The following BBS9 variants were observed in gnomAD, a reference collection of about 807,000 sequenced individuals.
BBS9 encodes Bardet-Biedl syndrome 9, also known as protein PTHB1.
BBS9 carries 89 observed loss-of-function variants against 117.7 expected under a neutral mutation model. The ratio of observed to expected loss-of-function variants is 0.76; its 90% confidence interval spans 0.64 to 0.90. The LOEUF is 0.90. Ranked by LOEUF, BBS9 falls within the 40% of genes least tolerant of loss-of-function variation. The pLI, the probability that BBS9 is intolerant of heterozygous loss-of-function variation, is 0.00. For missense variants in BBS9, 982 were observed against 1,042.2 expected (o/e 0.94, Z 0.80); for synonymous variants, 379 against 370.9 (o/e 1.02, Z -0.25).
chr7:33,338,528 G>A (rs938037318), intron 10 of BBS9, among the ~76,000 whole-genome samples: 1 of 152,116 alleles, frequency 6.6e-6, no homozygotes, highest in African/African-American at 2.4e-5. Context: ...TTTTAAAAGT[G>A]TTTTCAAAGG....
intron 1 of BBS9, among the ~76,000 whole-genome samples, chr7:33,131,885 T>G (rs1002995935): frequency 2.6e-5 from 4 of 151,994 alleles, no homozygotes; most frequent in Non-Finnish European, 5.9e-5. Flanking sequence ...GAAACCTAAA[T>G]CTGAGTAAAC....
At chr7:33,188,270 A>G (rs905477719) in intron 5 of BBS9, among the ~76,000 whole-genome samples, 1 of 152,048 alleles carries the variant, frequency 6.6e-6, no homozygotes, top group African/African-American at 2.4e-5. Context: ...GGTCTTCAGT[A>G]TGGTCTTTAG....
At chr7:33,286,686 G>A (rs1188919127) in intron 9 of BBS9, among the ~76,000 whole-genome samples, 1 of 151,824 alleles carries the variant, frequency 6.6e-6, no homozygotes, top group Non-Finnish European at 1.5e-5. Flanking sequence ...TTATTTGTGT[G>A]TGGGGGGCAG....
rs562951302 is a variant in BBS9 at position 33,364,492 on chromosome 7, C to A, written c.1694-3275C>A. On this transcript the variant is annotated intron_variant, in intron 16 of 22. Coordinates refer to ENST00000242067, the MANE Select transcript of BBS9 (RefSeq NM_198428.3). ...TGATTCTGTTCCCTAAATCTTGCAG[C>A]CTTTCTTCTTTCCTTTCATTTTTTT... is the stretch of plus-strand genomic sequence containing the variant. Among the ~76,000 whole-genome samples the A allele has an allele frequency of 3.4e-3, 516 of 151,862 alleles. 5 individuals carry two copies. Among genetic ancestry groups the A allele is most frequent in the African/African-American group, 0.011 (470 of 41,438 alleles).
At chr7:33,294,341 C>G in intron 9 of BBS9, among the ~76,000 whole-genome samples, 1 of 130,994 alleles carries the variant, frequency 7.6e-6, no homozygotes, top group Admixed American at 7.8e-5. Context: ...ATCTATCTAT[C>G]TATCTATCTA....
intron 21 of BBS9, among the ~76,000 whole-genome samples, chr7:33,570,949 T>C (rs1005097712): frequency 6.6e-6 from 1 of 152,116 alleles, no homozygotes; most frequent in Non-Finnish European, 1.5e-5. Flanking sequence ...ACAACAGATG[T>C]GATGTGGAAT....
chr7:33,602,977 A>C (rs573506944), intron 21 of BBS9, among the ~76,000 whole-genome samples: 1 of 152,188 alleles, frequency 6.6e-6, no homozygotes, highest in African/African-American at 2.4e-5. Flanking sequence ...AGCCCACGTG[A>C]TAGAGAACTA....
At chr7:33,401,192 T>C (rs1828859478) in intron 19 of BBS9, among the ~76,000 whole-genome samples, 1 of 152,234 alleles carries the variant, frequency 6.6e-6, no homozygotes. Flanking sequence ...CTTTTTCAGT[T>C]GATTCCCAGT....
intron 5 of BBS9, among the ~76,000 whole-genome samples, chr7:33,198,171 T>C (rs1446951681): frequency 6.6e-6 from 1 of 152,048 alleles, no homozygotes; most frequent in African/African-American, 2.4e-5. Flanking sequence ...AGATCTTTGC[T>C]AAAATAAGAC....
rs1484656827 is a variant in BBS9, at chr7:33,335,629, A to C, written c.1017-812A>C. On this transcript the variant is annotated intron_variant, in intron 9 of 22. Transcript: ENST00000242067. ...AAAATTGTGTGCTAAAATTATCCTT[A>C]ATTTATATATTATGGCTAGTTTCTA... Among the ~76,000 whole-genome samples, 7 of 152,154 alleles carry C rather than the reference A, an allele frequency of 4.6e-5. No homozygotes were observed. In the East Asian group the frequency reaches 1.3e-3, roughly 29 times the overall value.
intron 21 of BBS9, among the ~76,000 whole-genome samples, chr7:33,555,888 G>T (rs1855210816): frequency 6.6e-6 from 1 of 152,142 alleles, no homozygotes; most frequent in African/African-American, 2.4e-5. Context: ...TGTTTCATAT[G>T]CTTCAACTTA....
At chr7:33,374,667 C>T (rs1295359023) in intron 17 of BBS9, among the ~76,000 whole-genome samples, 26 of 152,098 alleles carry the variant, frequency 1.7e-4, no homozygotes, top group Admixed American at 1.6e-3. Flanking sequence ...TTTGGGAGGT[C>T]GAGGTGGGTG....
chr7:33,153,917 A>T (rs1337320089), intron 3 of BBS9, among the ~76,000 whole-genome samples: 1 of 152,200 alleles, frequency 6.6e-6, no homozygotes, highest in Non-Finnish European at 1.5e-5. Context: ...TTACAAAGTA[A>T]GGAGACAAAA....
intron 5 of BBS9, among the ~76,000 whole-genome samples, chr7:33,217,967 G>A (rs1476214103): frequency 1.3e-5 from 2 of 152,236 alleles, no homozygotes; most frequent in South Asian, 4.1e-4. Context: ...ATAAACAGAA[G>A]TATAAAAAGG....
At chr7:33,312,244 A>G (rs17170179) in intron 9 of BBS9, among the ~76,000 whole-genome samples, 4,037 of 152,312 alleles carry the variant, frequency 0.027, 164 homozygotes, top group African/African-American at 0.09. Context: ...AATTTTGTGC[A>G]TCCATGATAT....
intron 9 of BBS9, among the ~76,000 whole-genome samples, chr7:33,287,556 A>T (rs1803134970): frequency 6.6e-6 from 1 of 152,214 alleles, no homozygotes; most frequent in Admixed American, 6.5e-5. Context: ...TTATCTGATC[A>T]ACAGAACCTG....
chr7:33,281,542 T>G (rs1801907961), intron 9 of BBS9, among the ~76,000 whole-genome samples: 1 of 151,742 alleles, frequency 6.6e-6, no homozygotes, highest in Non-Finnish European at 1.5e-5. Flanking sequence ...CTCAGTTAAT[T>G]AAAAATTCTT....
chr7:33,391,301 C>A (rs1207623889), intron 19 of BBS9, among the ~76,000 whole-genome samples: 1 of 152,140 alleles, frequency 6.6e-6, no homozygotes, highest in Non-Finnish European at 1.5e-5. Flanking sequence ...TTTTTAAAGT[C>A]TTTTCCCAAC....
intron 21 of BBS9, among the ~76,000 whole-genome samples, chr7:33,549,753 C>A (rs568693817): frequency 1.8e-4 from 27 of 152,258 alleles, no homozygotes; most frequent in Admixed American, 4.6e-4. Flanking sequence ...AGTGAACTGC[C>A]TTTTCTACTG....
Sources: gnomAD v4.1 joint callset for allele counts (sites outside exome capture counted in the v4.1 genomes callset) on GRCh38, gnomAD v4.1.1 for gene constraint, MANE v1.5 for transcripts, NCBI Gene and HGNC (gene_info 2026-07-23, HGNC 2026-07-21) for gene names.